The following JPH3 variants were observed in gnomAD, a reference collection of about 807,000 sequenced individuals.
The protein encoded by JPH3 is junctophilin-3.
JPH3 carries 11 observed loss-of-function variants against 59.6 expected under a neutral mutation model. The ratio of observed to expected loss-of-function variants is 0.18; its 90% confidence interval spans 0.12 to 0.31. The LOEUF (loss-of-function observed/expected upper bound fraction) is 0.31. Ranked by LOEUF, JPH3 falls within the 10% of genes least tolerant of loss-of-function variation. JPH3 has a pLI of 1.00. For synonymous variants in JPH3, 673 were observed against 483.6 expected (o/e 1.39, Z -5.14); for missense variants, 1,202 against 1,105.7 (o/e 1.09, Z -1.24).
At chr16:87,609,947 C>T (rs919713034) in intron 1 of JPH3, among the ~76,000 whole-genome samples, 5 of 152,210 alleles carry the variant, frequency 3.3e-5, no homozygotes, top group Non-Finnish European at 5.9e-5. Flanking sequence ...TAATACAACT[C>T]ACCATCATGT....
At chr16:87,632,601 A>G (rs1022395259) in intron 1 of JPH3, among the ~76,000 whole-genome samples, 2 of 152,116 alleles carry the variant, frequency 1.3e-5, no homozygotes, top group African/African-American at 4.8e-5. Flanking sequence ...ACTAATTTCA[A>G]CAAAATTTTG....
intron 1 of JPH3, among the ~76,000 whole-genome samples, chr16:87,626,969 C>T (rs1480413513): frequency 1.3e-5 from 2 of 152,148 alleles, no homozygotes; most frequent in African/African-American, 2.4e-5. Context: ...AGTGAAGCCC[C>T]ATCTCTATTT....
intron 1 of JPH3, among the ~76,000 whole-genome samples, chr16:87,623,699 A>T (rs2031271864): frequency 6.6e-6 from 1 of 152,198 alleles, no homozygotes; most frequent in Admixed American, 6.5e-5. Context: ...CTGAGGCCCC[A>T]TCTCTGAGTC....
At chr16:87,689,272 G>C (rs2033495168) in intron 3 of JPH3, among the ~76,000 whole-genome samples, 1 of 152,192 alleles carries the variant, frequency 6.6e-6, no homozygotes, top group Non-Finnish European at 1.5e-5. Flanking sequence ...GTCAGCTAGG[G>C]TGAGGGGCTT....
At chr16:87,664,620 C>T (rs1234517643) in intron 2 of JPH3, among the ~76,000 whole-genome samples, 1 of 152,124 alleles carries the variant, frequency 6.6e-6, no homozygotes, top group African/African-American at 2.4e-5. Flanking sequence ...AGTGAAACTC[C>T]GTCGCAAAAA....
At chr16:87,667,271 G>A (rs187119834) in intron 2 of JPH3, among the ~76,000 whole-genome samples, 38 of 152,356 alleles carry the variant, frequency 2.5e-4, no homozygotes, top group Admixed American at 2.4e-3. Context: ...CTCAAGAGCC[G>A]TACCTTGATC....
intron 2 of JPH3, among the ~76,000 whole-genome samples, chr16:87,664,509 C>G (rs2032802167): frequency 6.6e-6 from 1 of 151,922 alleles, no homozygotes; most frequent in Non-Finnish European, 1.5e-5. Context: ...CCTGTAATCC[C>G]AGCTACTGAG....
chr16:87,685,776 T>C (rs2033402896), intron 3 of JPH3, among the ~76,000 whole-genome samples: 1 of 152,228 alleles, frequency 6.6e-6, no homozygotes, highest in Non-Finnish European at 1.5e-5. Context: ...CGGCCTGTTT[T>C]GTTTCCTCTC....
intron 1 of JPH3, among the ~76,000 whole-genome samples, chr16:87,630,523 C>G (rs1418452946): frequency 1.3e-5 from 2 of 152,206 alleles, no homozygotes; most frequent in African/African-American, 2.4e-5. Context: ...ACGTACGAGT[C>G]CCCTCTGAGC....
At chr16:87,642,203 C>T (rs1205860235) in intron 1 of JPH3, among the ~76,000 whole-genome samples, 2 of 148,018 alleles carry the variant, frequency 1.4e-5, no homozygotes, top group Non-Finnish European at 3.0e-5. Context: ...GGATCCCACC[C>T]TCTGGTGTGG....
chr16:87,694,819 C>A, intron 4 of JPH3: 1 of 191,966 alleles, frequency 5.2e-6, no homozygotes. Context: ...TTGCTGTCCC[C>A]TCCTCCCCCA....
intron 1 of JPH3, among the ~76,000 whole-genome samples, chr16:87,643,643 C>G (rs2032030438): frequency 2.0e-5 from 3 of 152,182 alleles, no homozygotes. Context: ...GGCAGGGGCT[C>G]CGTATTCACT....
At chr16:87,657,530 CTG>C (rs1230670886) in intron 2 of JPH3, among the ~76,000 whole-genome samples, 1 of 152,144 alleles carries the variant, frequency 6.6e-6, no homozygotes, top group African/African-American at 2.4e-5. Flanking sequence ...AACTTTAAAA[CTG>C]TTAAAGTGGC....
At chr16:87,650,144 C>G (rs140388028) in intron 2 of JPH3, among the ~76,000 whole-genome samples, 7 of 152,176 alleles carry the variant, frequency 4.6e-5, no homozygotes, top group African/African-American at 1.4e-4. Flanking sequence ...CTCTTGGTGC[C>G]GTTTTCCCAA....
chr16:87,693,549 C>T (rs906346447), intron 4 of JPH3: 4 of 152,272 alleles, frequency 2.6e-5, no homozygotes, highest in Admixed American at 2.0e-4. Context: ...GTGGCACACG[C>T]CTGTAATTCC....
chr16:87,641,958 C>G (rs1308465261), intron 1 of JPH3, among the ~76,000 whole-genome samples: 2 of 152,096 alleles, frequency 1.3e-5, no homozygotes, highest in East Asian at 1.9e-4. Flanking sequence ...GGCCCGGGCC[C>G]TGGGGTGCTT....
intron 1 of JPH3, among the ~76,000 whole-genome samples, chr16:87,606,576 G>C (rs1402341268): frequency 6.6e-6 from 1 of 152,166 alleles, no homozygotes; most frequent in African/African-American, 2.4e-5. Context: ...CCTGTTTTGT[G>C]ACCCTGGTTG....
At chr16:87,627,063 C>G (rs1239055004) in intron 1 of JPH3, among the ~76,000 whole-genome samples, 1 of 152,256 alleles carries the variant, frequency 6.6e-6, no homozygotes, top group Non-Finnish European at 1.5e-5. Context: ...TTAAAAGCCT[C>G]AAGCCCGGGC....
chr16:87,686,345 C>G (rs1229848263), intron 3 of JPH3, among the ~76,000 whole-genome samples: 2 of 147,222 alleles, frequency 1.4e-5, no homozygotes, highest in Non-Finnish European at 3.0e-5. Flanking sequence ...GAGATACTTC[C>G]TGGAGGGCTC....
Sources: gnomAD v4.1 joint callset for allele counts (sites outside exome capture counted in the v4.1 genomes callset) on GRCh38, gnomAD v4.1.1 for gene constraint, MANE v1.5 for transcripts, NCBI Gene and HGNC (gene_info 2026-07-23, HGNC 2026-07-21) for gene names.